Variants in PLCL2 observed in about 807,000 individuals in gnomAD.
PLCL2 encodes inactive phospholipase C-like protein 2.
PLCL2 carries 4 observed loss-of-function variants against 79.6 expected under a neutral mutation model. The ratio of observed to expected loss-of-function variants is 0.05; its 90% CI spans 0.02 to 0.11. The LOEUF (loss-of-function observed/expected upper bound fraction) is 0.11. Among genes scored for constraint, PLCL2 ranks in the 10% least tolerant of loss-of-function variants. PLCL2 has a pLI of 1.00. For missense variants in PLCL2, 895 were observed against 1,291.0 expected, an observed-to-expected ratio of 0.69 and a Z score of 4.70; for synonymous variants, 484 against 457.7, an observed-to-expected ratio of 1.06 and a Z score of -0.73.
chr3:16,913,968 A>G (rs906624878), intron 1 of PLCL2, among the ~76,000 whole-genome samples: 5 of 152,220 alleles, frequency 3.3e-5, no homozygotes, highest in Admixed American at 2.0e-4. Context: ...GTTTTCTTCA[A>G]CACCCTGTGA....
intron 1 of PLCL2, among the ~76,000 whole-genome samples, chr3:16,950,862 A>G (rs1015530721): frequency 3.3e-5 from 5 of 151,914 alleles, no homozygotes; most frequent in African/African-American, 1.2e-4. Flanking sequence ...TAAAACCACC[A>G]TTGTATTTCT....
At chr3:16,919,773 A>G (rs9876137) in intron 1 of PLCL2, among the ~76,000 whole-genome samples, 53,982 of 151,870 alleles carry the variant, frequency 0.36, 9,783 homozygotes, top group East Asian at 0.55. Flanking sequence ...GCTTCCCTCA[A>G]AGTGAGGAAG....
chr3:16,944,366 C>T (rs2063581826), intron 1 of PLCL2, among the ~76,000 whole-genome samples: 1 of 152,122 alleles, frequency 6.6e-6, no homozygotes, highest in Admixed American at 6.5e-5. Flanking sequence ...GGTGGTCAGG[C>T]CAAGAACATT....
At chr3:16,923,603 A>G (rs1309582670) in intron 1 of PLCL2, among the ~76,000 whole-genome samples, 2 of 151,986 alleles carry the variant, frequency 1.3e-5, no homozygotes, top group African/African-American at 4.8e-5. Flanking sequence ...ACCTTCATAC[A>G]CTCACATAAC....
chr3:17,026,769 A>G (rs1425070076), intron 3 of PLCL2, among the ~76,000 whole-genome samples: 2 of 152,114 alleles, frequency 1.3e-5, no homozygotes, highest in Admixed American at 1.3e-4. Context: ...CAGGAGGCTG[A>G]GGTGGGAGGA....
rs540089217 is a variant in PLCL2, at chr3:16,894,575, GC to G, written c.327+9210del. Among the ~76,000 whole-genome samples, 19 of 152,244 alleles carry G rather than the reference GC, an allele frequency of 1.2e-4. 1 individual carries two copies. The South Asian group carries it at 3.9e-3, about 32-fold the overall frequency. On this transcript the variant is annotated intron_variant, in intron 1 of 5. Transcript: ENST00000615277. Reference sequence around the variant, plus strand: ...CTACCAGGTTATATGAATGCTAGGTGCTCTAAATGCACACATTTGGTATTAT... The same window carrying G: ...CTACCAGGTTATATGAATGCTAGGTGTCTAAATGCACACATTTGGTATTAT...
intron 1 of PLCL2, among the ~76,000 whole-genome samples, chr3:16,926,921 G>A (rs1468042899): frequency 2.6e-5 from 4 of 151,892 alleles, no homozygotes; most frequent in African/African-American, 9.7e-5. Flanking sequence ...AAGCCACCGC[G>A]CCCGGCCACA....
chr3:17,052,792 G>A (rs189542867), intron 4 of PLCL2, among the ~76,000 whole-genome samples: 4 of 152,092 alleles, frequency 2.6e-5, no homozygotes, highest in African/African-American at 9.7e-5. Flanking sequence ...GTGATAAATA[G>A]TAAATACATT....
At chr3:17,079,504 A>G (rs1446392215) in intron 5 of PLCL2, among the ~76,000 whole-genome samples, 2 of 152,142 alleles carry the variant, frequency 1.3e-5, no homozygotes, top group African/African-American at 4.8e-5. Flanking sequence ...CATAGAAATC[A>G]TGCTGCTAAA....
intron 1 of PLCL2, among the ~76,000 whole-genome samples, chr3:16,984,846 G>A (rs771739360): frequency 6.6e-6 from 1 of 151,994 alleles, no homozygotes; most frequent in African/African-American, 2.4e-5. Context: ...GCAGGATAAT[G>A]ATGTGAACCT....
intron 4 of PLCL2, among the ~76,000 whole-genome samples, chr3:17,064,788 G>A (rs930438680): frequency 2.0e-5 from 3 of 151,840 alleles, no homozygotes; most frequent in South Asian, 2.1e-4. Flanking sequence ...AATTAGCCAC[G>A]TGTGGTGGCA....
intron 5 of PLCL2, among the ~76,000 whole-genome samples, chr3:17,085,436 CT>C (rs57194206): frequency 0.19 from 27,397 of 143,222 alleles, 3,707 homozygotes; most frequent in African/African-American, 0.4. Flanking sequence ...CAATTTATTT[CT>C]TTTTTTTTTT....
At chr3:16,929,717 G>A (rs190638087) in intron 1 of PLCL2, among the ~76,000 whole-genome samples, 1 of 152,282 alleles carries the variant, frequency 6.6e-6, no homozygotes, top group Non-Finnish European at 1.5e-5. Flanking sequence ...TGGAGGCCTG[G>A]GGAAGTTGAG....
intron 2 of PLCL2, among the ~76,000 whole-genome samples, chr3:17,012,483 A>G (rs1018255474): frequency 6.6e-6 from 1 of 152,196 alleles, no homozygotes; most frequent in African/African-American, 2.4e-5. Flanking sequence ...GGATTTCTGA[A>G]TATTCCTTAC....
At chr3:17,074,457 T>A (rs1288336561) in intron 5 of PLCL2, among the ~76,000 whole-genome samples, 1 of 152,188 alleles carries the variant, frequency 6.6e-6, no homozygotes, top group Non-Finnish European at 1.5e-5. Context: ...GCCCTAGGAT[T>A]TTCAGAATGG....
At chr3:16,971,303 C>T (rs1303983275) in intron 1 of PLCL2, among the ~76,000 whole-genome samples, 1 of 152,096 alleles carries the variant, frequency 6.6e-6, no homozygotes, top group Admixed American at 6.5e-5. Flanking sequence ...TTCCCCGCAC[C>T]ATTTATTAAA....
Position 17,011,430 on chromosome 3 carries a change from G to C in PLCL2, c.2084G>C (p.Cys695Ser). ...SNMNPQDFWK[C>S]GCQIVAMNFQ... ...ATGAATCCTCAAGATTTTTGGAAATGTGGTTGCCAAATTGTAGCCATGAAC... is the reference window on the plus strand; with the variant it reads ...ATGAATCCTCAAGATTTTTGGAAATCTGGTTGCCAAATTGTAGCCATGAAC... The change falls in exon 2 of 6, where the codon TGT becomes TCT. Residue 695 changes from cysteine (C) to serine (S), a missense_variant. Physicochemically the swap from Cys to Ser is moderately radical, Grantham distance 112. Coordinates refer to ENST00000615277, the MANE Select transcript of PLCL2 (RefSeq NM_001144382.2). This position sits in a 1 kb window ranked among gnomAD's most constrained non-coding sequence, Gnocchi z 7.9. The C allele has an allele frequency of 6.2e-7, 1 of 1,614,192 alleles. No homozygotes were observed.
At chr3:16,991,885 C>G (rs1428077873) in intron 1 of PLCL2, among the ~76,000 whole-genome samples, 1 of 152,042 alleles carries the variant, frequency 6.6e-6, no homozygotes, top group Admixed American at 6.5e-5. Flanking sequence ...TTCAGTAAAC[C>G]CAAGTGAATT....
chr3:16,990,705 A>G (rs2124995384), intron 1 of PLCL2, among the ~76,000 whole-genome samples: 1 of 152,350 alleles, frequency 6.6e-6, no homozygotes, highest in South Asian at 2.1e-4. Context: ...GTAATTAAGA[A>G]CAAGTAGTTA....
Sources: allele counts gnomAD v4.1 joint callset (sites outside exome capture counted in the v4.1 genomes callset), GRCh38; gene constraint gnomAD v4.1.1; non-coding constraint Gnocchi (gnomAD v3.1); transcripts MANE v1.5; gene names NCBI Gene and HGNC (gene_info 2026-07-23, HGNC 2026-07-21).